Variants in GREB1 observed in about 807,000 individuals in gnomAD.
GREB1 encodes growth regulating estrogen receptor binding 1.
A neutral mutation model predicts 200.7 loss-of-function variants in GREB1; 106 were observed. The ratio of observed to expected loss-of-function variants is 0.53; its 90% confidence interval spans 0.45 to 0.62. The LOEUF is 0.62. GREB1 is among the 20% of genes least tolerant of loss of function. The pLI, the probability that GREB1 is intolerant of heterozygous loss-of-function variation, is 0.00. For synonymous variants in GREB1, 1,132 were observed against 1,092.4 expected (o/e 1.04, Z -0.72); for missense variants, 2,243 against 2,556.8 (o/e 0.88, Z 2.65).
Position 11,493,320 on chromosome 2 carries a change from G to A in GREB1, c.-159+10939G>A, listed in dbSNP as rs1009079513. On this transcript the variant is annotated intron_variant, in intron 1 of 2. Transcript: ENST00000628795. The surrounding 1 kb of genome is among the most constrained non-coding windows in gnomAD (Gnocchi z 4.6). Reference sequence around the variant, plus strand: ...TTTCCACAGACAGGGTGTGGGGGAGGGTGAAACTATTCCACCTCAGATCAT... The same window carrying A: ...TTTCCACAGACAGGGTGTGGGGGAGAGTGAAACTATTCCACCTCAGATCAT... Among the ~76,000 whole-genome samples, 3 of 152,114 alleles carry A rather than the reference G, an allele frequency of 2.0e-5. No homozygotes were observed. The highest frequency in any genetic ancestry group is 7.2e-5 in the African/African-American group (3 of 41,406).
intron 30 of GREB1, 66 bp from the exon 31 acceptor site, chr2:11,637,650 C>T (rs1413405112): frequency 1.5e-5 from 23 of 1,491,726 alleles, no homozygotes; most frequent in South Asian, 3.5e-5. Context: ...CCTTGCAGCC[C>T]GGAAGCCATG....
At chr2:11,637,154 A>G (rs946154051) in intron 30 of GREB1, among the ~76,000 whole-genome samples, 1 of 151,742 alleles carries the variant, frequency 6.6e-6, no homozygotes, top group South Asian at 2.1e-4. Context: ...GGAGGTCGGT[A>G]TGGAGGAAGG....
intron 10 of GREB1, chr2:11,592,027 A>G (rs1044314290): frequency 8.2e-6 from 8 of 981,264 alleles, no homozygotes; most frequent in South Asian, 4.7e-5. Context: ...GAGAAAGCCT[A>G]TATTCCCAGG....
chr2:11,532,752 G>A (rs1005797937), upstream of GREB1, among the ~76,000 whole-genome samples: 11 of 152,256 alleles, frequency 7.2e-5, no homozygotes, highest in Admixed American at 5.2e-4. Flanking sequence ...CCCCACTAGC[G>A]CAGTGGAAAC....
At chr2:11,559,543 G>A (rs996472226) in intron 2 of GREB1, among the ~76,000 whole-genome samples, 4 of 152,206 alleles carry the variant, frequency 2.6e-5, no homozygotes, top group Non-Finnish European at 2.9e-5. Context: ...CCTTGGCTGC[G>A]ACGGTGCGGG....
intron 9 of GREB1, chr2:11,588,442 G>A: frequency 6.6e-6 from 3 of 453,822 alleles, no homozygotes; most frequent in African/African-American, 2.0e-5. Context: ...ACAGGTGGCG[G>A]CTGCTTGGCT....
At chr2:11,590,714 CCATGAGGCCAGGCATG>C (rs1220514798) in intron 10 of GREB1, among the ~76,000 whole-genome samples, 5 of 152,172 alleles carry the variant, frequency 3.3e-5, no homozygotes, top group Non-Finnish European at 7.3e-5. Context: ...GGTGTAAGCT[CCATGAGGCCAGGCATG>C]GTGAGTGAGT....
intron 1 of GREB1, among the ~76,000 whole-genome samples, chr2:11,488,824 T>A (rs1672716273): frequency 2.1e-5 from 3 of 145,108 alleles, no homozygotes; most frequent in African/African-American, 5.2e-5. Flanking sequence ...GGGAAAGGAA[T>A]TACCAGATAA....
intron 2 of GREB1, among the ~76,000 whole-genome samples, chr2:11,559,950 C>T (rs1158412273): frequency 3.9e-5 from 6 of 152,178 alleles, no homozygotes; most frequent in African/African-American, 1.2e-4. Context: ...CCCAAAGTCA[C>T]GCTTCCCACC....
chr2:11,577,351 G>A (rs1678977425), intron 5 of GREB1, among the ~76,000 whole-genome samples: 1 of 152,204 alleles, frequency 6.6e-6, no homozygotes, highest in Admixed American at 6.5e-5. Flanking sequence ...TGGTGCCAAG[G>A]CTGAGAACCT....
Position 11,607,991 on chromosome 2 carries a change from C to G in GREB1, c.2667-2697C>G, listed in dbSNP as rs1003874528. Among the ~76,000 whole-genome samples the G allele has an allele frequency of 2.6e-5, 4 of 152,142 alleles. No individual in the cohort carries two copies. In the South Asian group the frequency reaches 6.2e-4, roughly 24 times the overall value. ...ACTGCACAGTGTCTTCCTCTGTGCA[C>G]TGAAAAACATTACCACTGCTTGATG... On this transcript the variant is annotated intron_variant, in intron 17 of 32. Coordinates refer to ENST00000381486, the MANE Select transcript of GREB1 (RefSeq NM_014668.4).
At chr2:11,601,698 C>T (rs1464925687) in intron 16 of GREB1, among the ~76,000 whole-genome samples, 1 of 152,224 alleles carries the variant, frequency 6.6e-6, no homozygotes, top group East Asian at 1.9e-4. Context: ...TAAGGCACTT[C>T]CCATAGGCCA....
At chr2:11,491,914 C>T (rs1255906761) in intron 1 of GREB1, among the ~76,000 whole-genome samples, 1 of 152,172 alleles carries the variant, frequency 6.6e-6, no homozygotes, top group Non-Finnish European at 1.5e-5. Context: ...ACCCTTCTAC[C>T]GATTAGTTTA....
At chr2:11,566,728 G>A (rs1372319078) in intron 4 of GREB1, 72 bp downstream of exon 4, 23 of 1,359,840 alleles carry the variant, frequency 1.7e-5, no homozygotes, top group South Asian at 7.6e-5. Flanking sequence ...AGGTCACGGC[G>A]GGGGGTGGTG....
At position 11,640,537 on chromosome 2, in the gene GREB1, G is replaced by A. The variant is rs1008954725; in HGVS notation, c.*83G>A. ...GGCTAAAGGGAGGCCTGGAACGGTG[G>A]GGCGTTTGACTGGAATGGACCCCAG... On this transcript the variant is annotated 3_prime_UTR_variant, in exon 33 of 33. Coordinates refer to ENST00000381486, the MANE Select transcript of GREB1 (RefSeq NM_014668.4). The surrounding 1 kb of genome is among the most constrained non-coding windows in gnomAD (Gnocchi z 4.6). The A allele has an allele frequency of 4.0e-6, 6 of 1,514,504 alleles. No individual in the cohort carries two copies. The highest frequency in any genetic ancestry group is 2.8e-5 in the African/African-American group (2 of 72,514). The allele number at this position is 1,514,504 out of a possible 1,614,324, so 93.8% of individuals were successfully genotyped here.
rs983423592 is a variant in GREB1 at position 11,495,791 on chromosome 2, C to A, written c.-159+13410C>A. Among the ~76,000 whole-genome samples, 3 of 140,954 alleles carry A rather than the reference C, an allele frequency of 2.1e-5. No homozygotes were observed. In the South Asian group the frequency reaches 6.4e-4, roughly 30 times the overall value. The allele number at this position is 140,954 out of a possible 152,430, so 92.5% of individuals were successfully genotyped here. On this transcript the variant is annotated intron_variant, in intron 1 of 2. Transcript: ENST00000628795. Reference sequence around the variant, plus strand: ...CGTTGAATCTTGGTTAGGATAAGTCCCCCCGTTTTTTTTTTTTTTTTTGAG... The same window carrying A: ...CGTTGAATCTTGGTTAGGATAAGTCACCCCGTTTTTTTTTTTTTTTTTGAG...
Position 11,621,024 on chromosome 2 carries a change from G to A in GREB1, c.4147+17G>A, listed in dbSNP as rs1683966788. On this transcript the variant is annotated intron_variant, in intron 23 of 32. Coordinates refer to ENST00000381486, the MANE Select transcript of GREB1 (RefSeq NM_014668.4). ...TCAATATCAGTGAGTTATCTGTTTG[G>A]GGTTATGTGGGCTTGGAGCCACCTT... 20 of 1,402,320 alleles carry A rather than the reference G, an allele frequency of 1.4e-5. No homozygotes were observed. The highest frequency in any genetic ancestry group is 2.0e-5 in the Non-Finnish European group (20 of 986,656). The allele number at this position is 1,402,320 out of a possible 1,614,324, so 86.9% of individuals were successfully genotyped here. A position where few individuals can be genotyped will look rare whatever the true frequency, so the allele number is the denominator to read the frequency against.
At chr2:11,586,775 G>GA (rs1680145742) in intron 9 of GREB1, among the ~76,000 whole-genome samples, 1 of 152,198 alleles carries the variant, frequency 6.6e-6, no homozygotes, top group Admixed American at 6.5e-5. Flanking sequence ...ACAAAAACTG[G>GA]ACGGGGTATT....
chr2:11,529,746 A>G (rs1484619827), upstream of GREB1, among the ~76,000 whole-genome samples: 2 of 152,232 alleles, frequency 1.3e-5, no homozygotes, highest in African/African-American at 4.8e-5. Context: ...AAAATACTAT[A>G]CAGCATTGAA....
Sources: gnomAD v4.1 joint callset for allele counts (sites outside exome capture counted in the v4.1 genomes callset) on GRCh38, gnomAD v4.1.1 for gene constraint, Gnocchi (gnomAD v3.1) non-coding constraint, MANE v1.5 for transcripts, NCBI Gene and HGNC (gene_info 2026-07-23, HGNC 2026-07-21) for gene names.